The following VWC2L variants were observed in gnomAD, a reference collection of about 807,000 sequenced individuals.
VWC2L encodes von Willebrand factor C domain containing 2 like, also known as von Willebrand factor C domain-containing protein 2-like.
VWC2L carries 10 observed loss-of-function variants against 21.6 expected under a neutral mutation model. The observed-to-expected ratio is 0.46, with a 90% confidence interval of 0.29 to 0.78. The LOEUF is 0.78. Among genes scored for constraint, VWC2L ranks in the 30% least tolerant of loss-of-function variants. The pLI is 0.10. For synonymous variants in VWC2L, 96 were observed against 94.3 expected (o/e 1.02, Z -0.10); for missense variants, 209 against 277.1 (o/e 0.75, Z 1.74).
chr2:214,563,977 A>G (rs1429885663), intron 3 of VWC2L, among the ~76,000 whole-genome samples: 1 of 152,214 alleles, frequency 6.6e-6, no homozygotes, highest in African/African-American at 2.4e-5. Context: ...GCTGATGAAC[A>G]ACTAAAATCA....
At position 214,414,403 on chromosome 2, in the gene VWC2L, G is replaced by A. The variant is rs1359363316; in HGVS notation, c.210G>A (p.Gly70=). The A allele has an allele frequency of 1.2e-6, 2 of 1,613,574 alleles. No homozygotes were observed. The highest frequency in any genetic ancestry group is 1.7e-6 in the Non-Finnish European group (2 of 1,179,696). Residue 70 remains glycine, a synonymous_variant, in exon 2 of 4, where the codon GGG becomes GGA. Transcript: ENST00000312504. Reference sequence around the variant, plus strand: ...AGTTGGGAGAACGATTTTTCCCTGGGCATTCCAACTGTCCATGTGTCTGTG... The same window carrying A: ...AGTTGGGAGAACGATTTTTCCCTGGACATTCCAACTGTCCATGTGTCTGTG... The part of the protein sequence containing the change: ...VYKLGERFFP[G]HSNCPCVCAL...
In VWC2L at chr2:214,550,201, C is replaced by A. The variant is rs149655697; in HGVS notation, c.521-25471C>A. 1.9e-4 allele frequency among the ~76,000 whole-genome samples: 29 copies of A among 152,204 alleles called. No individual in the cohort carries two copies. The East Asian group carries it at 5.2e-3, about 27-fold the overall frequency. On this transcript the variant is annotated intron_variant, in intron 3 of 3. Coordinates refer to ENST00000312504, the MANE Select transcript of VWC2L (RefSeq NM_001080500.4). Reference sequence around the variant, plus strand: ...CTGTGCCATTTGGAATGAAAATGAACATCATATGAAAACTTGGGTATATTC... The same window carrying A: ...CTGTGCCATTTGGAATGAAAATGAAAATCATATGAAAACTTGGGTATATTC...
At chr2:214,449,306 G>A (rs1411669556) in intron 3 of VWC2L, among the ~76,000 whole-genome samples, 1 of 152,154 alleles carries the variant, frequency 6.6e-6, no homozygotes, top group Non-Finnish European at 1.5e-5. Context: ...ATAGCATAGG[G>A]GGTTGATTGG....
At chr2:214,495,108 C>CTTTTTTTA (rs1559308008) in intron 3 of VWC2L, among the ~76,000 whole-genome samples, 1 of 151,980 alleles carries the variant, frequency 6.6e-6, no homozygotes, top group Non-Finnish European at 1.5e-5. Context: ...ATTGTTCTTG[C>CTTTTTTTA]TTTTTTTATA....
intron 3 of VWC2L, among the ~76,000 whole-genome samples, chr2:214,511,124 C>T (rs1465607515): frequency 6.6e-6 from 1 of 151,876 alleles, no homozygotes; most frequent in Non-Finnish European, 1.5e-5. Context: ...CCATCTCCAC[C>T]AAAAATTTAA....
chr2:214,528,753 C>T (rs1689383687), intron 3 of VWC2L, among the ~76,000 whole-genome samples: 1 of 152,090 alleles, frequency 6.6e-6, no homozygotes, highest in Non-Finnish European at 1.5e-5. Context: ...GTTTAACACA[C>T]AGAGTAGAAA....
At chr2:214,533,322 G>A (rs532654738) in intron 3 of VWC2L, among the ~76,000 whole-genome samples, 9 of 152,166 alleles carry the variant, frequency 5.9e-5, no homozygotes, top group South Asian at 2.1e-4. Flanking sequence ...AATATTTAAA[G>A]ATAAAGTTAG....
intron 3 of VWC2L, among the ~76,000 whole-genome samples, chr2:214,531,354 A>G (rs1311166002): frequency 6.6e-6 from 1 of 152,198 alleles, no homozygotes; most frequent in Non-Finnish European, 1.5e-5. Context: ...ATTACTTGGA[A>G]GTAACAAATG....
At chr2:214,504,954 A>G (rs912667714) in intron 3 of VWC2L, among the ~76,000 whole-genome samples, 3 of 152,200 alleles carry the variant, frequency 2.0e-5, no homozygotes, top group South Asian at 4.1e-4. Flanking sequence ...TAAAATCCCA[A>G]AATAAATTTG....
intron 3 of VWC2L, among the ~76,000 whole-genome samples, chr2:214,470,717 T>C (rs906520326): frequency 2.0e-5 from 3 of 151,898 alleles, no homozygotes; most frequent in Admixed American, 2.0e-4. Context: ...GAGACCTGCC[T>C]GGCCAATGTA....
At chr2:214,511,520 C>A (rs1689052692) in intron 3 of VWC2L, among the ~76,000 whole-genome samples, 2 of 152,166 alleles carry the variant, frequency 1.3e-5, no homozygotes, top group African/African-American at 4.8e-5. Context: ...TTCTTATTTA[C>A]TCTCTGCCGT....
chr2:214,497,041 G>T (rs1272757050), intron 3 of VWC2L, among the ~76,000 whole-genome samples: 2 of 152,140 alleles, frequency 1.3e-5, no homozygotes, highest in East Asian at 1.9e-4. Flanking sequence ...CATCGTTAAG[G>T]TGAGATGCAG....
chr2:214,464,475 T>C (rs1273619455), intron 3 of VWC2L, among the ~76,000 whole-genome samples: 1 of 152,092 alleles, frequency 6.6e-6, no homozygotes, highest in East Asian at 1.9e-4. Flanking sequence ...TTGTTTTCTT[T>C]GCTTACTTTC....
chr2:214,559,007 G>T (rs1689920631), intron 3 of VWC2L, among the ~76,000 whole-genome samples: 2 of 149,726 alleles, frequency 1.3e-5, no homozygotes, highest in Non-Finnish European at 3.0e-5. Context: ...ATCTCCCAAT[G>T]CTATCCCTCC....
chr2:214,505,415 G>GT (rs932937862), intron 3 of VWC2L, among the ~76,000 whole-genome samples: 21 of 152,120 alleles, frequency 1.4e-4, no homozygotes, highest in African/African-American at 4.1e-4. Flanking sequence ...GCAGTTTTGG[G>GT]TTTTTTTTAA....
chr2:214,465,397 C>A (rs1045260742), intron 3 of VWC2L, among the ~76,000 whole-genome samples: 2 of 152,184 alleles, frequency 1.3e-5, no homozygotes, highest in Non-Finnish European at 2.9e-5. Context: ...AACATGTTCC[C>A]TTCTGACTCA....
chr2:214,452,309 C>A (rs977467024), intron 3 of VWC2L, among the ~76,000 whole-genome samples: 13 of 152,140 alleles, frequency 8.5e-5, no homozygotes, highest in African/African-American at 2.9e-4. Context: ...TGCACACCAC[C>A]ACGCTTGGCT....
In VWC2L at chr2:214,500,662, C is replaced by CA. The variant is rs541464155; in HGVS notation, c.520+63910dup. Among the ~76,000 whole-genome samples the CA allele has an allele frequency of 7.0e-3, 1,060 of 152,026 alleles. 12 individuals are homozygous for CA. The highest frequency in any genetic ancestry group is 1.0e-2 in the Non-Finnish European group (678 of 67,952). On this transcript the variant is annotated intron_variant, in intron 3 of 3. Transcript: ENST00000312504. ...TTGGGCCTTATGGCCCCTTTATCTG[C>CA]AAAAAAGGCTAGAAAATGTATTTTT...
intron 3 of VWC2L, among the ~76,000 whole-genome samples, chr2:214,450,918 C>A (rs1702944213): frequency 6.6e-6 from 1 of 151,828 alleles, no homozygotes. Flanking sequence ...TTACAACAGT[C>A]CTATAAAGGG....
Sources: gnomAD v4.1 joint callset for allele counts (sites outside exome capture counted in the v4.1 genomes callset) on GRCh38, gnomAD v4.1.1 for gene constraint, MANE v1.5 for transcripts, NCBI Gene and HGNC (gene_info 2026-07-23, HGNC 2026-07-21) for gene names.